TNS1: variants seen among roughly 807,000 people sequenced by gnomAD.
TNS1 encodes tensin 1, also known as tensin-1.
In TNS1, 62 loss-of-function variants were observed where a neutral mutation model predicts 168.6. That is an observed-to-expected ratio of 0.37 (90% CI 0.30 to 0.45). The LOEUF (loss-of-function observed/expected upper bound fraction) is 0.45, where lower values mean the gene tolerates loss of function less well. TNS1 is among the 20% of genes least tolerant of loss of function. The pLI, the probability that TNS1 is intolerant of heterozygous loss-of-function variation, is 1.00. For missense variants in TNS1, 2,240 were observed against 2,339.4 expected (o/e 0.96, Z 0.88); for synonymous variants, 934 against 933.2 (o/e 1.00, Z -0.02).
chr2:217,855,556 ATCTCTCTC>A (rs3838562), intron 18 of TNS1, among the ~76,000 whole-genome samples: 2 of 147,444 alleles, frequency 1.4e-5, no homozygotes, highest in African/African-American at 2.5e-5. Flanking sequence ...AAGAGCCTTT[ATCTCTCTC>A]TCTCTCTCTC....
At chr2:218,028,940 G>A (rs1958870768) in intron 1 of TNS1, among the ~76,000 whole-genome samples, 1 of 152,216 alleles carries the variant, frequency 6.6e-6, no homozygotes, top group South Asian at 2.1e-4. Context: ...GCCTTAGCTT[G>A]CCTGCCCTTG....
At chr2:217,850,432 C>T (rs950494298) in intron 18 of TNS1, 4 of 985,202 alleles carry the variant, frequency 4.1e-6, no homozygotes, top group Non-Finnish European at 4.8e-6. Context: ...CTGAGGACCC[C>T]CCTGAGCAAC....
intron 3 of TNS1, among the ~76,000 whole-genome samples, chr2:217,957,152 G>A (rs973116658): frequency 1.6e-4 from 24 of 151,436 alleles, no homozygotes; most frequent in Admixed American, 3.3e-4. Flanking sequence ...CCCCCACCCC[G>A]GTAAGGCAGC....
At chr2:217,907,503 C>T (rs76645060) in intron 4 of TNS1, among the ~76,000 whole-genome samples, 4,200 of 152,312 alleles carry the variant, frequency 0.028, 175 homozygotes, top group African/African-American at 0.095. Context: ...GCTCAGTGCC[C>T]GGCGCCAGGC....
At chr2:218,024,272 G>A (rs1240352879) in intron 1 of TNS1, among the ~76,000 whole-genome samples, 1 of 152,116 alleles carries the variant, frequency 6.6e-6, no homozygotes, top group Admixed American at 6.5e-5. Flanking sequence ...GTCTTGGGAA[G>A]GATGCAAGAG....
At chr2:217,907,746 C>T (rs936557846) in intron 4 of TNS1, among the ~76,000 whole-genome samples, 1 of 152,218 alleles carries the variant, frequency 6.6e-6, no homozygotes, top group African/African-American at 2.4e-5. Flanking sequence ...ATAGTGCAGC[C>T]AGCCAGTCTC....
intron 4 of TNS1, among the ~76,000 whole-genome samples, chr2:217,918,935 CG>C (rs1276471136): frequency 6.6e-6 from 1 of 152,118 alleles, no homozygotes; most frequent in Non-Finnish European, 1.5e-5. Flanking sequence ...CACTGAGGCC[CG>C]GGAGAGCCTG....
At chr2:217,989,580 T>C (rs1958298680) in intron 2 of TNS1, among the ~76,000 whole-genome samples, 1 of 152,110 alleles carries the variant, frequency 6.6e-6, no homozygotes, top group African/African-American at 2.4e-5. Flanking sequence ...CACTGTGTGA[T>C]CTGGGACAAG....
chr2:217,967,822 G>A (rs1187755347), intron 3 of TNS1, among the ~76,000 whole-genome samples: 2 of 152,002 alleles, frequency 1.3e-5, no homozygotes, highest in Non-Finnish European at 2.9e-5. Context: ...ATTCTATGAG[G>A]CCAAAACCAA....
chr2:217,828,892 G>A (rs1194628094), intron 22 of TNS1, among the ~76,000 whole-genome samples: 1 of 152,194 alleles, frequency 6.6e-6, no homozygotes, highest in African/African-American at 2.4e-5. Flanking sequence ...ACCAGGCAGG[G>A]CTTCCAGAGG....
intron 2 of TNS1, among the ~76,000 whole-genome samples, chr2:217,984,268 G>A (rs1447185912): frequency 6.6e-6 from 1 of 152,204 alleles, no homozygotes; most frequent in East Asian, 1.9e-4. Flanking sequence ...TCAGGGGATG[G>A]TCGGGGGACA....
At chr2:217,874,444 G>A (rs1389052153) in intron 18 of TNS1, among the ~76,000 whole-genome samples, 5 of 152,188 alleles carry the variant, frequency 3.3e-5, no homozygotes, top group Admixed American at 2.6e-4. Context: ...TTTGGAGCTG[G>A]AAGCCCTTTT....
At chr2:217,917,256 C>A (rs931531913) in intron 4 of TNS1, among the ~76,000 whole-genome samples, 4 of 152,170 alleles carry the variant, frequency 2.6e-5, no homozygotes, top group African/African-American at 7.2e-5. Flanking sequence ...TATTGAGTAC[C>A]TAATCTGCCA....
chr2:217,988,175 C>A lies in TNS1; in HGVS notation c.148+2767G>T, dbSNP rs540714679. 1.4e-4 allele frequency among the ~76,000 whole-genome samples: 22 copies of A among 152,356 alleles called. No individual in the cohort carries two copies. The East Asian group carries it at 4.2e-3, about 29-fold the overall frequency. ...GGCTTTCTTCCCACCAAACTCCCCA[C>A]CCTCCAGAGCCCAGCCAGAGCTGCC... On this transcript the variant is annotated intron_variant, in intron 2 of 32. Transcript: ENST00000682258.
intron 3 of TNS1, among the ~76,000 whole-genome samples, chr2:217,926,406 T>A (rs1266118716): frequency 6.6e-6 from 1 of 152,188 alleles, no homozygotes; most frequent in Non-Finnish European, 1.5e-5. Context: ...ACTTCGTGTT[T>A]TTCTATTCAT....
At chr2:217,987,111 T>C (rs908166514) in intron 2 of TNS1, 1 of 152,180 alleles carries the variant, frequency 6.6e-6, no homozygotes, top group African/African-American at 2.4e-5. Flanking sequence ...TCACAGAGGT[T>C]GTGAGAAGCA....
intron 19 of TNS1, among the ~76,000 whole-genome samples, chr2:217,839,139 C>T (rs1001963318): frequency 1.7e-4 from 26 of 151,908 alleles, no homozygotes; most frequent in African/African-American, 5.8e-4. Flanking sequence ...CATAGTGGGG[C>T]CACTGGGTCA....
chr2:218,015,306 A>T (rs1317847059), upstream of TNS1, among the ~76,000 whole-genome samples: 1 of 152,098 alleles, frequency 6.6e-6, no homozygotes. Flanking sequence ...CGGCTTTTCC[A>T]TAGCACAGCC....
At chr2:218,022,302 C>T (rs1958812305) in intron 1 of TNS1, among the ~76,000 whole-genome samples, 1 of 152,122 alleles carries the variant, frequency 6.6e-6, no homozygotes, top group African/African-American at 2.4e-5. Context: ...CTGGCCCCTA[C>T]CCCACCATGC....
Sources: gnomAD v4.1 joint callset for allele counts (sites outside exome capture counted in the v4.1 genomes callset) on GRCh38, gnomAD v4.1.1 for gene constraint, MANE v1.5 for transcripts, NCBI Gene and HGNC (gene_info 2026-07-23, HGNC 2026-07-21) for gene names.